MAP2K6: variants seen among roughly 807,000 people sequenced by gnomAD.
MAP2K6 encodes the protein dual specificity mitogen-activated protein kinase kinase 6.
In MAP2K6, 16 loss-of-function variants were observed where a neutral mutation model predicts 53.7. The ratio of observed to expected loss-of-function variants is 0.30; its 90% CI spans 0.20 to 0.45. MAP2K6 has a LOEUF of 0.45. Among genes scored for constraint, MAP2K6 ranks in the 20% least tolerant of loss-of-function variants. MAP2K6 has a pLI of 1.00. For missense variants in MAP2K6, 204 were observed against 411.9 expected (o/e 0.50, Z 4.37); for synonymous variants, 132 against 143.1 (o/e 0.92, Z 0.55).
chr17:69,523,724 G>C, intron 8 of MAP2K6, 83 bp downstream of exon 8: 2 of 1,557,898 alleles, frequency 1.3e-6, no homozygotes, highest in Non-Finnish European at 1.8e-6. Flanking sequence ...TGGCCACAGA[G>C]GGAAAATGGA....
chr17:69,416,434 A>G (rs1905904027), intron 1 of MAP2K6, among the ~76,000 whole-genome samples: 4 of 152,196 alleles, frequency 2.6e-5, no homozygotes, highest in Admixed American at 2.6e-4. Flanking sequence ...CTTATTGAGT[A>G]GAGAAATAAT....
chr17:69,461,693 C>T (rs565745730), intron 1 of MAP2K6, among the ~76,000 whole-genome samples: 1 of 152,288 alleles, frequency 6.6e-6, no homozygotes, highest in Admixed American at 6.5e-5. Context: ...ATCCCGCAGG[C>T]ACCCCTTGCT....
chr17:69,516,991 T>G, intron 3 of MAP2K6, 88 bp downstream of exon 3: 4 of 1,016,322 alleles, frequency 3.9e-6, no homozygotes, highest in Non-Finnish European at 6.0e-6. Context: ...CCTAGCATGC[T>G]GTCAGGGGAT....
At chr17:69,474,232 T>G (rs1908066680) in intron 1 of MAP2K6, among the ~76,000 whole-genome samples, 1 of 152,206 alleles carries the variant, frequency 6.6e-6, no homozygotes. Context: ...ATGTTGGGCA[T>G]GTACAAAGTG....
At chr17:69,508,714 C>G (rs527567496) in intron 2 of MAP2K6, among the ~76,000 whole-genome samples, 2 of 152,284 alleles carry the variant, frequency 1.3e-5, no homozygotes, top group African/African-American at 4.8e-5. Context: ...TTGCCTAGTC[C>G]TAGATCTGTC....
chr17:69,479,456 A>G (rs1402892331), intron 1 of MAP2K6, among the ~76,000 whole-genome samples: 2 of 152,204 alleles, frequency 1.3e-5, no homozygotes, highest in Non-Finnish European at 1.5e-5. Flanking sequence ...TGAAACATAA[A>G]TAAACTTTAT....
At chr17:69,450,288 A>G (rs1448072167) in intron 1 of MAP2K6, among the ~76,000 whole-genome samples, 1 of 152,084 alleles carries the variant, frequency 6.6e-6, no homozygotes, top group Non-Finnish European at 1.5e-5. Flanking sequence ...GCATTTTACA[A>G]GCAGTAGGCA....
At chr17:69,501,531 G>C (rs1909175218) in intron 1 of MAP2K6, among the ~76,000 whole-genome samples, 1 of 151,922 alleles carries the variant, frequency 6.6e-6, no homozygotes, top group Admixed American at 6.6e-5. Context: ...GTGCCATTTT[G>C]CTCCAGGCCA....
At chr17:69,505,745 A>T in intron 1 of MAP2K6, 35 bp from the exon 2 acceptor site, 1 of 1,544,820 alleles carries the variant, frequency 6.5e-7, no homozygotes, top group Non-Finnish European at 9.0e-7. Context: ...GCTATGATTT[A>T]GTCCTTAACT....
At chr17:69,442,943 C>T in intron 1 of MAP2K6, among the ~76,000 whole-genome samples, 1 of 152,086 alleles carries the variant, frequency 6.6e-6, no homozygotes, top group East Asian at 1.9e-4. Context: ...AATTATAGCT[C>T]TTGGTCTTCT....
intron 1 of MAP2K6, among the ~76,000 whole-genome samples, chr17:69,453,861 T>C (rs190813596): frequency 6.6e-6 from 1 of 152,298 alleles, no homozygotes; most frequent in East Asian, 1.9e-4. Context: ...ACTCCAGGGA[T>C]AGCCCAGGCA....
intron 1 of MAP2K6, among the ~76,000 whole-genome samples, chr17:69,419,854 C>T (rs1567811811): frequency 6.8e-6 from 1 of 146,770 alleles, no homozygotes; most frequent in East Asian, 2.0e-4. Context: ...GTGGAGGTTG[C>T]AATGAGCAGA....
At chr17:69,426,147 G>A (rs576928595) in intron 1 of MAP2K6, among the ~76,000 whole-genome samples, 7 of 152,160 alleles carry the variant, frequency 4.6e-5, no homozygotes, top group African/African-American at 1.7e-4. Context: ...GTGTAGCTGG[G>A]ATTACAGCCA....
chr17:69,493,938 G>A (rs1908850497), intron 1 of MAP2K6, among the ~76,000 whole-genome samples: 1 of 152,152 alleles, frequency 6.6e-6, no homozygotes, highest in Non-Finnish European at 1.5e-5. Flanking sequence ...TTCATTAAGA[G>A]TTTAAGTTAG....
At chr17:69,513,593 A>G (rs999803111) in intron 2 of MAP2K6, among the ~76,000 whole-genome samples, 8 of 152,202 alleles carry the variant, frequency 5.3e-5, no homozygotes, top group Non-Finnish European at 8.8e-5. Context: ...TAAATATTTT[A>G]GGCTACATGG....
intron 1 of MAP2K6, among the ~76,000 whole-genome samples, chr17:69,455,899 T>A (rs1300337016): frequency 6.8e-6 from 1 of 146,820 alleles, no homozygotes; most frequent in Non-Finnish European, 1.5e-5. Context: ...TTGCTCTCGT[T>A]GCCCAGGCTG....
chr17:69,467,652 A>G (rs145070900), intron 1 of MAP2K6, among the ~76,000 whole-genome samples: 15 of 152,342 alleles, frequency 9.8e-5, no homozygotes, highest in African/African-American at 3.4e-4. Context: ...CCATACTATA[A>G]AAATGTTAAT....
At chr17:69,469,355 C>T (rs574197054) in intron 1 of MAP2K6, among the ~76,000 whole-genome samples, 22 of 152,322 alleles carry the variant, frequency 1.4e-4, no homozygotes, top group South Asian at 4.1e-4. Flanking sequence ...CTGCAAAGAT[C>T]GTTTTGTCAT....
chr17:69,503,946 G>T (rs1212329517), intron 1 of MAP2K6, among the ~76,000 whole-genome samples: 1 of 152,126 alleles, frequency 6.6e-6, no homozygotes, highest in African/African-American at 2.4e-5. Context: ...TGTCAGCTGG[G>T]TATTTTAAAA....
Sources: gnomAD v4.1 joint callset for allele counts (sites outside exome capture counted in the v4.1 genomes callset) on GRCh38, gnomAD v4.1.1 for gene constraint, MANE v1.5 for transcripts, NCBI Gene and HGNC (gene_info 2026-07-23, HGNC 2026-07-21) for gene names.